Variants in RGS6 observed in about 807,000 individuals in gnomAD.
RGS6 encodes the protein regulator of G protein signaling 6.
Under a neutral mutation model 78.5 loss-of-function variants are expected in RGS6, and 30 were observed. The observed-to-expected ratio is 0.38, with a 90% CI of 0.29 to 0.52. The LOEUF is 0.52. Ranked by LOEUF, RGS6 falls within the 20% of genes least tolerant of loss-of-function variation. The pLI, the probability that RGS6 is intolerant of heterozygous loss-of-function variation, is 0.85. For synonymous variants in RGS6, 206 were observed against 206.0 expected (o/e 1.00, Z 0.00); for missense variants, 495 against 609.7 (o/e 0.81, Z 1.98).
chr14:72,205,747 G>T (rs59061161), intron 2 of RGS6, among the ~76,000 whole-genome samples: 7,251 of 152,268 alleles, frequency 0.048, 401 homozygotes, highest in African/African-American at 0.13. Context: ...TACTGGCTAA[G>T]GCTCAGAAAA....
intron 2 of RGS6, among the ~76,000 whole-genome samples, chr14:72,328,760 T>C (rs892668105): frequency 1.3e-5 from 2 of 152,166 alleles, no homozygotes; most frequent in African/African-American, 2.4e-5. Context: ...ATTGAAGAAG[T>C]CACAAAATGC....
chr14:72,174,824 G>T (rs1311589356), intron 2 of RGS6, among the ~76,000 whole-genome samples: 1 of 152,212 alleles, frequency 6.6e-6, no homozygotes, highest in Non-Finnish European at 1.5e-5. Context: ...ATGTCAGGAG[G>T]TGGCAGTTTT....
At chr14:71,881,823 A>T in the RGS6 span, among the ~76,000 whole-genome samples, 1 of 152,178 alleles carries the variant, frequency 6.6e-6, no homozygotes, top group African/African-American at 2.4e-5. Context: ...GTATCTGACA[A>T]TTGGACAGTA....
intron 3 of RGS6, among the ~76,000 whole-genome samples, chr14:72,452,468 C>G (rs1415806556): frequency 2.0e-5 from 3 of 152,154 alleles, no homozygotes; most frequent in African/African-American, 7.2e-5. Flanking sequence ...CTTCACCTGC[C>G]ATGGACCCAG....
chr14:72,258,855 G>A (rs910695279), intron 2 of RGS6, among the ~76,000 whole-genome samples: 2 of 152,124 alleles, frequency 1.3e-5, no homozygotes, highest in African/African-American at 4.8e-5. Context: ...TCTAAAATGG[G>A]GTTAACAAGT....
At chr14:72,332,931 G>A (rs116813241) in intron 2 of RGS6, among the ~76,000 whole-genome samples, 1,684 of 152,302 alleles carry the variant, frequency 0.011, 26 homozygotes, top group African/African-American at 0.039. Flanking sequence ...AGGAAACAGA[G>A]GCACACGGGT....
At chr14:72,331,413 G>A (rs1280298224) in intron 2 of RGS6, among the ~76,000 whole-genome samples, 2 of 152,198 alleles carry the variant, frequency 1.3e-5, no homozygotes, top group African/African-American at 4.8e-5. Flanking sequence ...CTGCTTTACA[G>A]TATGGGAATG....
At chr14:72,297,412 A>ATAT (rs35789414) in intron 2 of RGS6, among the ~76,000 whole-genome samples, 2 of 145,520 alleles carry the variant, frequency 1.4e-5, no homozygotes, top group East Asian at 2.0e-4. Context: ...AACATGGTAT[A>ATAT]TATTATTATT....
At chr14:72,106,410 C>T (rs773123940) in intron 2 of RGS6, among the ~76,000 whole-genome samples, 1 of 152,074 alleles carries the variant, frequency 6.6e-6, no homozygotes, top group East Asian at 1.9e-4. Context: ...CAGGCTCTTC[C>T]GAAGCTTCCC....
intron 2 of RGS6, among the ~76,000 whole-genome samples, chr14:71,972,200 G>A (rs552850887): frequency 6.6e-6 from 1 of 152,014 alleles, no homozygotes; most frequent in Admixed American, 6.6e-5. Context: ...ATAGTAAGAA[G>A]TCACTAGGTC....
At chr14:72,260,851 A>C (rs1434655530) in intron 2 of RGS6, among the ~76,000 whole-genome samples, 1 of 152,210 alleles carries the variant, frequency 6.6e-6, no homozygotes, top group South Asian at 2.1e-4. Context: ...AAAGAAAAAG[A>C]TGTTCAGTGG....
In RGS6 at chr14:72,550,621, A is replaced by G. The variant is rs976212690; in HGVS notation, c.1422+10527A>G. 2.6e-6 allele frequency: 4 copies of G among 1,528,710 alleles called. No individual in the cohort carries two copies. In the African/African-American group the frequency reaches 5.5e-5, roughly 21 times the overall value. 94.7% of individuals were successfully genotyped at this position (1,528,710 alleles called of 1,614,324 possible). A position where few individuals can be genotyped will look rare whatever the true frequency, so the allele number is the denominator to read the frequency against. On this transcript the variant is annotated intron_variant, in intron 17 of 17. Transcript: ENST00000553525. ...TGATACGTGCTCTGTCCTGGTTAAT[A>G]CTAGAAGGTTCTGAGGCATCCATAA... is the stretch of plus-strand genomic sequence containing the variant.
At position 71,964,805 on chromosome 14, in the gene RGS6, C is replaced by T. The variant is rs377498543; in HGVS notation, c.14C>T (p.Ser5Phe). Residue 5 changes from serine to phenylalanine, a missense_variant, in exon 2 of 18, where the codon TCC becomes TTC. By Grantham distance (155) the Ser-to-Phe change is radical (BLOSUM62 -2). Transcript: ENST00000553525. MAQG[S>F]GDQRAVGVAD... ...AAGACACTCAGGATGGCTCAAGGATCCGGGGATCAAAGAGCAGTGGGGGTT... is the reference window on the plus strand; with the variant it reads ...AAGACACTCAGGATGGCTCAAGGATTCGGGGATCAAAGAGCAGTGGGGGTT... The T allele has an allele frequency of 5.6e-6, 9 of 1,613,340 alleles. No homozygotes were observed. The African/African-American group carries it at 1.2e-4, about 22-fold the overall frequency.
chr14:72,361,812 A>C (rs1446315187), intron 3 of RGS6, among the ~76,000 whole-genome samples: 1 of 152,080 alleles, frequency 6.6e-6, no homozygotes, highest in Non-Finnish European at 1.5e-5. Flanking sequence ...ATGGTATGGG[A>C]GTCAAAGCTG....
At chr14:72,026,982 G>A (rs944872217) in intron 2 of RGS6, among the ~76,000 whole-genome samples, 4 of 152,102 alleles carry the variant, frequency 2.6e-5, no homozygotes, top group African/African-American at 9.7e-5. Flanking sequence ...TTTGAGAAGA[G>A]TCCAGACATT....
At chr14:71,869,009 A>G in the RGS6 span, among the ~76,000 whole-genome samples, 2 of 152,198 alleles carry the variant, frequency 1.3e-5, no homozygotes, top group South Asian at 4.1e-4. Flanking sequence ...GAGATTAAGC[A>G]GTCAGCTGTG....
At chr14:72,321,389 C>A (rs565744777) in intron 2 of RGS6, among the ~76,000 whole-genome samples, 1 of 151,674 alleles carries the variant, frequency 6.6e-6, no homozygotes, top group South Asian at 2.1e-4. Context: ...GTGGGCTAAA[C>A]TCCCATATTA....
At chr14:72,178,203 C>T (rs1487535709) in intron 2 of RGS6, among the ~76,000 whole-genome samples, 1 of 152,228 alleles carries the variant, frequency 6.6e-6, no homozygotes, top group African/African-American at 2.4e-5. Flanking sequence ...CTGTAGCTAG[C>T]ATCACATACA....
chr14:72,283,239 C>A (rs73302900), intron 2 of RGS6, among the ~76,000 whole-genome samples: 7,588 of 152,156 alleles, frequency 0.05, 567 homozygotes, highest in African/African-American at 0.17. Context: ...TGAACTTGGG[C>A]GTGCAAATAT....
Sources: allele counts gnomAD v4.1 joint callset (sites outside exome capture counted in the v4.1 genomes callset), GRCh38; gene constraint gnomAD v4.1.1; transcripts MANE v1.5; gene names NCBI Gene and HGNC (gene_info 2026-07-23, HGNC 2026-07-21).